Variants in EIPR1 observed in about 807,000 individuals in gnomAD.
EIPR1 encodes the protein EARP and GARP complex-interacting protein 1.
Under a neutral mutation model 48.1 loss-of-function variants are expected in EIPR1, and 25 were observed. The observed-to-expected ratio is 0.52, with a 90% confidence interval of 0.38 to 0.73. The LOEUF is 0.73. EIPR1 is among the 30% of genes least tolerant of loss of function. The pLI is 0.00. For missense variants in EIPR1, 415 were observed against 506.2 expected (o/e 0.82, Z 1.73); for synonymous variants, 204 against 201.9 (o/e 1.01, Z -0.09).
In EIPR1 at chr2:3,245,251, C is replaced by T. The variant is rs1300675380; in HGVS notation, c.416+12048G>A. 2.0e-5 allele frequency among the ~76,000 whole-genome samples: 3 copies of T among 152,106 alleles called. No individual in the cohort carries two copies. In the East Asian group the frequency reaches 5.8e-4, roughly 29 times the overall value. On this transcript the variant is annotated intron_variant, in intron 4 of 8. Coordinates refer to ENST00000382125, the MANE Select transcript of EIPR1 (RefSeq NM_003310.5). ...TTTTTGAGATGGGGTCTTGCTCTGT[C>T]ACCCAGGCTGGAGTGCAGTGGAGCG...
At position 3,205,674 on chromosome 2, in the gene EIPR1, C is replaced by G. The variant is rs762095243; in HGVS notation, c.516+8475G>C. ...TGCCGATGACACCTATGGAAACTTC[C>G]CTTCCCTATCTCTGGTTGGGAATTC... On this transcript the variant is annotated intron_variant, in intron 5 of 8. Transcript: ENST00000382125. Among the ~76,000 whole-genome samples, 88 of 152,338 alleles carry G rather than the reference C, an allele frequency of 5.8e-4. 1 individual carries two copies. The highest frequency in any genetic ancestry group is 6.8e-3 in the Middle Eastern group (2 of 294).
chr2:3,293,098 C>A (rs370566512), intron 3 of EIPR1, among the ~76,000 whole-genome samples: 51 of 152,336 alleles, frequency 3.3e-4, no homozygotes, highest in African/African-American at 1.2e-3. Flanking sequence ...CCTCTGTTTC[C>A]TTTCATTCCA....
chr2:3,215,200 C>T (rs570071656), intron 4 of EIPR1, among the ~76,000 whole-genome samples: 44 of 152,290 alleles, frequency 2.9e-4, no homozygotes, highest in African/African-American at 8.2e-4. Flanking sequence ...GCCAATGAGA[C>T]GTGAGGGAGG....
intron 3 of EIPR1, among the ~76,000 whole-genome samples, chr2:3,291,582 G>C (rs565874176): frequency 7.9e-5 from 12 of 152,120 alleles, no homozygotes; most frequent in Non-Finnish European, 1.5e-4. Flanking sequence ...CTAAAAAATT[G>C]GTTTTTAAAT....
At chr2:3,227,817 C>G (rs1572328043) in intron 4 of EIPR1, among the ~76,000 whole-genome samples, 1 of 152,266 alleles carries the variant, frequency 6.6e-6, no homozygotes, top group Non-Finnish European at 1.5e-5. Context: ...CAAGGTATAG[C>G]TCAGGCCATT....
chr2:3,214,694 A>G (rs987325511), intron 4 of EIPR1, among the ~76,000 whole-genome samples: 1 of 152,238 alleles, frequency 6.6e-6, no homozygotes, highest in South Asian at 2.1e-4. Flanking sequence ...ACTTTATAAG[A>G]AAGTGCTGAA....
intron 4 of EIPR1, among the ~76,000 whole-genome samples, chr2:3,235,412 A>C (rs1053657963): frequency 6.8e-6 from 1 of 146,850 alleles, no homozygotes; most frequent in Non-Finnish European, 1.5e-5. Flanking sequence ...ACATGTGTGC[A>C]TGCGGGTGCG....
intron 8 of EIPR1, among the ~76,000 whole-genome samples, chr2:3,192,015 A>G (rs1045342110): frequency 1.2e-4 from 18 of 152,188 alleles, no homozygotes; most frequent in African/African-American, 3.4e-4. Context: ...CCCGACCCCA[A>G]CACGCTCAAA....
intron 3 of EIPR1, among the ~76,000 whole-genome samples, chr2:3,267,951 T>G (rs1667542995): frequency 6.6e-6 from 1 of 152,224 alleles, no homozygotes; most frequent in Non-Finnish European, 1.5e-5. Context: ...GTGCCCTGTG[T>G]AGCGCACAGA....
At chr2:3,323,915 C>T (rs1669612211) in intron 3 of EIPR1, among the ~76,000 whole-genome samples, 1 of 152,166 alleles carries the variant, frequency 6.6e-6, no homozygotes, top group Non-Finnish European at 1.5e-5. Flanking sequence ...CCGCTGCTGC[C>T]GTGTTGGAGT....
At chr2:3,209,597 T>C (rs944253868) in intron 5 of EIPR1, among the ~76,000 whole-genome samples, 2 of 152,158 alleles carry the variant, frequency 1.3e-5, no homozygotes, top group African/African-American at 4.8e-5. Context: ...CTCTCAGCCC[T>C]GGGACAAGGG....
chr2:3,342,756 G>GTCTCCTA (rs1670290334), intron 2 of EIPR1, among the ~76,000 whole-genome samples: 2 of 152,252 alleles, frequency 1.3e-5, no homozygotes, highest in Admixed American at 1.3e-4. Flanking sequence ...CCAAGCCCAT[G>GTCTCCTA]TCTCCTAATC....
Position 3,286,163 on chromosome 2 carries a change from T to C in EIPR1, c.260-28708A>G, listed in dbSNP as rs2103266635. Among the ~76,000 whole-genome samples, 1 of 152,274 alleles carries C rather than the reference T, an allele frequency of 6.6e-6. No homozygotes were observed. Among genetic ancestry groups the C allele is most frequent in the South Asian group, 2.1e-4 (1 of 4,826 alleles). On this transcript the variant is annotated intron_variant, in intron 3 of 8. Transcript: ENST00000382125. The surrounding 1 kb of genome is among the most constrained non-coding windows in gnomAD (Gnocchi z 4.2). ...ACATGGAGCAGACACAAGCCACACC[T>C]GCTATCCCTGCCTGATTCCCCACCC...
At chr2:3,262,191 A>T (rs889892357) in intron 3 of EIPR1, 1 of 152,464 alleles carries the variant, frequency 6.6e-6, no homozygotes, top group Non-Finnish European at 1.5e-5. Context: ...AAGCAAAGGA[A>T]AACAGTATAC....
chr2:3,324,392 G>A (rs954758407), intron 3 of EIPR1, among the ~76,000 whole-genome samples: 1 of 150,470 alleles, frequency 6.6e-6, no homozygotes, highest in Non-Finnish European at 1.5e-5. Context: ...CCGGGCAGTG[G>A]CCCAGTGCTT....
chr2:3,348,736 A>G (rs1034761403), intron 2 of EIPR1, among the ~76,000 whole-genome samples: 2 of 152,256 alleles, frequency 1.3e-5, no homozygotes, highest in East Asian at 1.9e-4. Flanking sequence ...CAGGGAATCA[A>G]CGACTGAAAG....
intron 2 of EIPR1, among the ~76,000 whole-genome samples, chr2:3,351,248 G>A (rs188117976): frequency 2.8e-4 from 42 of 152,238 alleles, no homozygotes; most frequent in South Asian, 1.2e-3. Context: ...TGATCCACCC[G>A]CCTTGGCCTC....
intron 1 of EIPR1, among the ~76,000 whole-genome samples, chr2:3,376,396 TTAAAAACAGACATTGG>T (rs1350368945): frequency 6.6e-6 from 1 of 151,416 alleles, no homozygotes; most frequent in Non-Finnish European, 1.5e-5. Flanking sequence ...TGTAACCTAC[TTAAAAACAGACATTGG>T]CCAGGTGCGG....
intron 4 of EIPR1, among the ~76,000 whole-genome samples, chr2:3,228,213 G>C (rs1186348202): frequency 6.6e-6 from 1 of 152,262 alleles, no homozygotes. Flanking sequence ...TGGCAGAGCT[G>C]CCCAAGGAAT....
Sources: gnomAD v4.1 joint callset for allele counts (sites outside exome capture counted in the v4.1 genomes callset) on GRCh38, gnomAD v4.1.1 for gene constraint, Gnocchi (gnomAD v3.1) non-coding constraint, MANE v1.5 for transcripts, NCBI Gene and HGNC (gene_info 2026-07-23, HGNC 2026-07-21) for gene names.